Variants in GLDC observed in about 807,000 individuals in gnomAD.
GLDC encodes the protein glycine decarboxylase.
In GLDC, 104 loss-of-function variants were observed where a neutral mutation model predicts 121.3. The ratio of observed to expected loss-of-function variants is 0.86; its 90% confidence interval spans 0.73 to 1.01. The LOEUF (loss-of-function observed/expected upper bound fraction) is 1.01, where lower values mean the gene tolerates loss of function less well. Among genes scored for constraint, GLDC ranks in the 50% least tolerant of loss-of-function variants. The probability of loss-of-function intolerance (pLI) is 0.00; values close to 1 mark genes in which losing one functional copy is unlikely to be tolerated. For synonymous variants in GLDC, 546 were observed against 480.6 expected, an observed-to-expected ratio of 1.14 and a Z score of -1.78; for missense variants, 1,429 against 1,306.6, an observed-to-expected ratio of 1.09 and a Z score of -1.44.
intron 15 of GLDC, among the ~76,000 whole-genome samples, chr9:6,570,351 T>C (rs1212880219): frequency 6.6e-6 from 1 of 152,254 alleles, no homozygotes; most frequent in Non-Finnish European, 1.5e-5. Context: ...TTAAGATTTA[T>C]ATATTTTTGA....
At chr9:6,606,290 A>T (rs1818730244) in intron 5 of GLDC, 2 of 378,698 alleles carry the variant, frequency 5.3e-6, no homozygotes, top group Non-Finnish European at 9.7e-6. Context: ...AGCCTGGACG[A>T]CAGAGCGAGA....
chr9:6,623,435 A>T (rs549187380), intron 2 of GLDC, among the ~76,000 whole-genome samples: 1 of 148,548 alleles, frequency 6.7e-6, no homozygotes, highest in Non-Finnish European at 1.5e-5. Context: ...GTTAAGAGTC[A>T]TCACCACTCC....
In GLDC at chr9:6,644,029, C is replaced by CAA. The variant is rs531081758; in HGVS notation, c.334+583_334+584dup. Among the ~76,000 whole-genome samples the CAA allele has an allele frequency of 5.5e-3, 100 of 18,104 alleles. 5 individuals are homozygous for CAA. Among genetic ancestry groups the CAA allele is most frequent in the African/African-American group, 6.5e-3 (30 of 4,642 alleles). 11.9% of individuals were successfully genotyped at this position (18,104 alleles called of 152,430 possible). ...AGCCTGGGCGACAGAGATTCTGTCTCAAAAAAAAAAAAAAAAAAAAACGAA... is the reference window on the plus strand; with the variant it reads ...AGCCTGGGCGACAGAGATTCTGTCTCAAAAAAAAAAAAAAAAAAAAAAACGAA... On this transcript the variant is annotated intron_variant, in intron 2 of 24. Transcript: ENST00000321612.
chr9:6,538,895 G>C (rs892507978), intron 22 of GLDC, among the ~76,000 whole-genome samples: 1 of 152,296 alleles, frequency 6.6e-6, no homozygotes, highest in East Asian at 1.9e-4. Flanking sequence ...TTGAGGATGG[G>C]ATTGGTAATT....
intron 20 of GLDC, 69 bp downstream of exon 20, chr9:6,553,299 G>A: frequency 9.5e-6 from 13 of 1,372,174 alleles, no homozygotes; most frequent in Non-Finnish European, 1.2e-5. Flanking sequence ...GAAGTCTGCA[G>A]TATCCGGTCC....
At position 6,604,663 on chromosome 9, in the gene GLDC, C is replaced by T; in HGVS notation, c.983G>A (p.Gly328Glu). ...GACAGCAAAAAATGCTGCATGGGGT[C>T]CCCCATAGCCCAGTGGCACTCCAAA... ...QRFGVPLGYG[G>E]PHAAFFAVRE... The change falls in exon 7 of 25, where the codon GGA (glycine) becomes GAA (glutamate). Residue 328 changes from glycine to glutamate, a missense_variant. Physicochemically the swap from Gly to Glu is moderately conservative, Grantham distance 98. Coordinates refer to ENST00000321612, the MANE Select transcript of GLDC (RefSeq NM_000170.3). 1 of 1,614,004 alleles carries T rather than the reference C, an allele frequency of 6.2e-7. No individual in the cohort carries two copies. Among genetic ancestry groups the T allele is most frequent in the Non-Finnish European group, 8.5e-7 (1 of 1,179,978 alleles).
intron 21 of GLDC, among the ~76,000 whole-genome samples, chr9:6,547,559 G>A (rs1208842799): frequency 6.6e-6 from 1 of 152,044 alleles, no homozygotes; most frequent in Non-Finnish European, 1.5e-5. Context: ...AAAAATTGAA[G>A]CCATACATGT....
intron 15 of GLDC, among the ~76,000 whole-genome samples, chr9:6,578,378 A>T (rs1818113152): frequency 6.6e-6 from 1 of 151,920 alleles, no homozygotes; most frequent in South Asian, 2.1e-4. Flanking sequence ...CAGACTCCCA[A>T]AGTGTTGGGA....
At chr9:6,594,727 A>ACAAGAAAG (rs1184753139) in intron 9 of GLDC, among the ~76,000 whole-genome samples, 5 of 146,426 alleles carry the variant, frequency 3.4e-5, no homozygotes, top group Admixed American at 2.0e-4. Context: ...AAGCAAGCAA[A>ACAAGAAAG]CAAGAAAGCA....
At chr9:6,613,797 G>C (rs1252745306) in intron 3 of GLDC, among the ~76,000 whole-genome samples, 4 of 151,736 alleles carry the variant, frequency 2.6e-5, no homozygotes, top group Non-Finnish European at 5.9e-5. Flanking sequence ...TTTTTTTTTA[G>C]ATAGAGTCTT....
chr9:6,579,429 AT>A (rs1818132725), intron 15 of GLDC, among the ~76,000 whole-genome samples: 1 of 151,960 alleles, frequency 6.6e-6, no homozygotes, highest in South Asian at 2.1e-4. Context: ...TAATCTGTAT[AT>A]TTTGGGTTTT....
chr9:6,607,860 C>T (rs767629263), intron 4 of GLDC, among the ~76,000 whole-genome samples: 6 of 151,914 alleles, frequency 3.9e-5, no homozygotes, highest in Non-Finnish European at 8.8e-5. Context: ...TGGTGGCTCA[C>T]GCCTGTAATC....
chr9:6,636,437 T>C (rs1240483501), intron 2 of GLDC, among the ~76,000 whole-genome samples: 1 of 152,184 alleles, frequency 6.6e-6, no homozygotes, highest in Admixed American at 6.5e-5. Context: ...TGGGAAATCT[T>C]TGTAGCTTTC....
At position 6,554,731 on chromosome 9, in the gene GLDC, A is replaced by G. The variant is rs765624698; in HGVS notation, c.2253T>C (p.Asn751=). ...GDFGSDVSHL[N]LHKTFCIPHG... ...GGGGAATGCAGAAGGTCTTGTGAAG[A>G]TTTAGGTGCGAGACATCAGACCCGA... Residue 751 remains asparagine, a synonymous_variant, in exon 19 of 25, where the codon AAT becomes AAC. Coordinates refer to ENST00000321612, the MANE Select transcript of GLDC (RefSeq NM_000170.3). 67 of 1,613,496 alleles carry G rather than the reference A, an allele frequency of 4.2e-5. 1 individual carries two copies. The highest frequency in any genetic ancestry group is 5.6e-5 in the Non-Finnish European group (66 of 1,179,984).
intron 2 of GLDC, among the ~76,000 whole-genome samples, chr9:6,625,224 T>C (rs1464669298): frequency 6.6e-6 from 1 of 151,636 alleles, no homozygotes; most frequent in Non-Finnish European, 1.5e-5. Context: ...CGGCCGGAGG[T>C]CAAACCAGCA....
rs374776450 is a variant in GLDC at position 6,605,185 on chromosome 9, C to T, written c.807G>A (p.Thr269=). 2.9e-5 allele frequency: 47 copies of T among 1,613,518 alleles called. No individual in the cohort carries two copies. Among genetic ancestry groups the T allele is most frequent in the East Asian group, 4.5e-5 (2 of 44,896 alleles). The stretch of plus-strand genomic sequence containing the variant: ...CCGTAAAGTCTTCCACCTTCCCCTC[C>T]GTGTCTGGGTACTGGAACAACACTC... The part of the protein sequence containing the change: ...VSGVLFQYPD[T]EGKVEDFTEL... Residue 269 remains threonine (T), a synonymous_variant, in exon 6 of 25, where the codon ACG becomes ACA. Transcript: ENST00000321612.
intron 7 of GLDC, 54 bp from the exon 8 acceptor site, chr9:6,602,259 T>G: frequency 2.9e-6 from 3 of 1,046,656 alleles, no homozygotes; most frequent in Non-Finnish European, 4.5e-6. Context: ...CACTGGGAGA[T>G]GCTATAAATA....
intron 21 of GLDC, among the ~76,000 whole-genome samples, chr9:6,543,763 C>T (rs931841372): frequency 1.3e-5 from 2 of 151,892 alleles, no homozygotes; most frequent in African/African-American, 2.4e-5. Flanking sequence ...AATGTTGGGG[C>T]GATATCAAGT....
chr9:6,629,945 G>A (rs2480802), intron 2 of GLDC, among the ~76,000 whole-genome samples: 2,289 of 46,562 alleles, frequency 0.049, 127 homozygotes, highest in African/African-American at 0.17. Context: ...ATATATATAT[G>A]TATATATATA....
Sources: allele counts gnomAD v4.1 joint callset (sites outside exome capture counted in the v4.1 genomes callset), GRCh38; gene constraint gnomAD v4.1.1; transcripts MANE v1.5; gene names NCBI Gene and HGNC (gene_info 2026-07-23, HGNC 2026-07-21).